CFLAR: variants seen among roughly 807,000 people sequenced by gnomAD.
The protein encoded by CFLAR is CASP8 and FADD-like apoptosis regulator.
CFLAR carries 14 observed loss-of-function variants against 51.1 expected under a neutral mutation model. That is an observed-to-expected ratio of 0.27 (90% CI 0.18 to 0.43). The LOEUF (loss-of-function observed/expected upper bound fraction) is 0.43, where lower values mean the gene tolerates loss of function less well. CFLAR is among the 20% of genes least tolerant of loss of function. The pLI is 1.00. For synonymous variants in CFLAR, 210 were observed against 211.6 expected, an observed-to-expected ratio of 0.99 and a Z score of 0.06; for missense variants, 390 against 566.5, an observed-to-expected ratio of 0.69 and a Z score of 3.16.
rs1481279606 is a variant in CFLAR, at chr2:201,170,337, G to A, written c.*6364G>A. On this transcript the variant is annotated 3_prime_UTR_variant, in exon 10 of 10. Coordinates refer to ENST00000309955, the MANE Select transcript of CFLAR (RefSeq NM_003879.7). ...TTAATTCTTTTAATTGGTTATTACTGAACGTGAAAAAGTAATGTTTGTATT... is the reference window on the plus strand; with the variant it reads ...TTAATTCTTTTAATTGGTTATTACTAAACGTGAAAAAGTAATGTTTGTATT... 3.3e-5 allele frequency: 5 copies of A among 152,150 alleles called. No homozygotes were observed. Among genetic ancestry groups the A allele is most frequent in the African/African-American group, 1.2e-4 (5 of 41,432 alleles). 9.4% of individuals were successfully genotyped at this position (152,150 alleles called of 1,614,324 possible).
At chr2:201,130,187 G>GGGGGGGGGGGGGGGGGGGC in intron 2 of CFLAR, 41 bp downstream of exon 2, 1 of 292,394 alleles carries the variant, frequency 3.4e-6, no homozygotes, top group Non-Finnish European at 7.1e-6. Flanking sequence ...GGGTGGGAGG[G>GGGGGGGGGGGGGGGGGGGC]AGTGAAGTGT....
chr2:201,141,274 T>G, intron 5 of CFLAR: 1 of 1,439,762 alleles, frequency 6.9e-7, no homozygotes, highest in African/African-American at 1.4e-5. Flanking sequence ...TGACCTCCAA[T>G]TATTTTTCCT....
At chr2:201,140,668 T>C (rs754170058) in intron 5 of CFLAR, 79 of 435,118 alleles carry the variant, frequency 1.8e-4, no homozygotes, top group Non-Finnish European at 3.0e-4. Flanking sequence ...TCACCTATAT[T>C]CCACTATCCA....
chr2:201,142,766 A>G (rs1939235541), intron 5 of CFLAR: 1 of 152,772 alleles, frequency 6.5e-6, no homozygotes, highest in African/African-American at 2.4e-5. Context: ...CGCCCGGGTA[A>G]TTTTATATTT....
At chr2:201,151,553 T>G (rs1250476719) in intron 8 of CFLAR, among the ~76,000 whole-genome samples, 5 of 140,120 alleles carry the variant, frequency 3.6e-5, no homozygotes, top group African/African-American at 1.2e-4. Context: ...GTGAGAAAGA[T>G]AAGTGTCTTC....
intron 1 of CFLAR, among the ~76,000 whole-genome samples, chr2:201,117,750 C>CTTTTT (rs1174973596): frequency 7.0e-5 from 8 of 113,886 alleles, no homozygotes; most frequent in East Asian, 2.7e-4. Flanking sequence ...GCTCCAAGAT[C>CTTTTT]TTTTTTTTTT....
chr2:201,146,902 A>ATG (rs1299803312), intron 6 of CFLAR, among the ~76,000 whole-genome samples: 3 of 152,274 alleles, frequency 2.0e-5, no homozygotes, highest in African/African-American at 7.2e-5. Flanking sequence ...GGTGTAGCTC[A>ATG]TGTCTGTCAT....
chr2:201,140,782 C>T (rs2348483), intron 5 of CFLAR: 579 of 160,576 alleles, frequency 3.6e-3, no homozygotes, highest in Middle Eastern at 9.1e-3. Flanking sequence ...TATATACATA[C>T]ATACATACAT....
intron 5 of CFLAR, 175 bp downstream of exon 5, chr2:201,140,614 A>T: frequency 1.8e-6 from 1 of 555,074 alleles, no homozygotes; most frequent in Non-Finnish European, 3.1e-6. Context: ...ATACATGTTC[A>T]TTGAGATATT....
chr2:201,138,968 A>G lies in CFLAR; in HGVS notation c.524-1389A>G, dbSNP rs1055718813. 2 of 579,820 alleles carry G rather than the reference A, an allele frequency of 3.4e-6. No homozygotes were observed. 35.9% of individuals were successfully genotyped at this position (579,820 alleles called of 1,614,324 possible). On this transcript the variant is annotated intron_variant, in intron 4 of 9. Coordinates refer to ENST00000309955, the MANE Select transcript of CFLAR (RefSeq NM_003879.7). This position sits in a 1 kb window ranked among gnomAD's most constrained non-coding sequence, Gnocchi z 4.0. The stretch of plus-strand genomic sequence containing the variant: ...GAGAATCAAGAAGTCGTTGTAGGTG[A>G]GTCCCTGGTCACTGGCGAAGAGCTG...
chr2:201,134,320 T>A (rs529415783), intron 3 of CFLAR, among the ~76,000 whole-genome samples: 45 of 140,018 alleles, frequency 3.2e-4, no homozygotes, highest in African/African-American at 1.1e-3. Context: ...AAAAAAAAAT[T>A]TTTTTTAACT....
At chr2:201,120,722 T>G (rs1156723476) in intron 1 of CFLAR, among the ~76,000 whole-genome samples, 1 of 152,236 alleles carries the variant, frequency 6.6e-6, no homozygotes, top group Non-Finnish European at 1.5e-5. Flanking sequence ...AGCTTCCTTA[T>G]CTACTTGTGA....
chr2:201,137,869 C>T (rs575207891), intron 4 of CFLAR: 14 of 829,290 alleles, frequency 1.7e-5, no homozygotes, highest in African/African-American at 5.0e-5. Context: ...AAGCACTCGC[C>T]GGGGGCCTCC....
rs1943957288 is a variant in CFLAR at position 201,170,655 on chromosome 2, GTC to G, written c.*6684_*6685del. ...GTTATTCTCCACCACCACTCAATCT[GTC>G]TATCATCTATCTCTCCATTCATTCT... On this transcript the variant is annotated 3_prime_UTR_variant, in exon 10 of 10. Coordinates refer to ENST00000309955, the MANE Select transcript of CFLAR (RefSeq NM_003879.7). The G allele has an allele frequency of 6.6e-6, 1 of 152,144 alleles. No individual in the cohort carries two copies. Among genetic ancestry groups the G allele is most frequent in the African/African-American group, 2.4e-5 (1 of 41,448 alleles). The allele number at this position is 152,144 out of a possible 1,614,324, so 9.4% of individuals were successfully genotyped here.
chr2:201,162,982 T>A, intron 9 of CFLAR: 1 of 736,286 alleles, frequency 1.4e-6, no homozygotes. Flanking sequence ...TTCTTATCCT[T>A]AATTGTTTTC....
chr2:201,157,147 C>T (rs1942310185), intron 8 of CFLAR, among the ~76,000 whole-genome samples: 1 of 152,100 alleles, frequency 6.6e-6, no homozygotes, highest in East Asian at 1.9e-4. Flanking sequence ...TCATTGGATC[C>T]TCACGGTCAC....
At position 201,170,843 on chromosome 2, in the gene CFLAR, G is replaced by A. The variant is rs368908703; in HGVS notation, c.*6870G>A. On this transcript the variant is annotated 3_prime_UTR_variant, in exon 10 of 10. Coordinates refer to ENST00000309955, the MANE Select transcript of CFLAR (RefSeq NM_003879.7). ...TGAAATATCATTAGCTGAGCTTTTAGAATTGACTGCATGTTTTGGTACCAT... is the reference window on the plus strand; with the variant it reads ...TGAAATATCATTAGCTGAGCTTTTAAAATTGACTGCATGTTTTGGTACCAT... 6.6e-6 allele frequency: 1 copy of A among 152,186 alleles called. No homozygotes were observed. The highest frequency in any genetic ancestry group is 1.5e-5 in the Non-Finnish European group (1 of 68,032). 9.4% of individuals were successfully genotyped at this position (152,186 alleles called of 1,614,324 possible).
Position 201,167,816 on chromosome 2 carries a change from A to G in CFLAR, c.*3843A>G, listed in dbSNP as rs1246568079. ...AGAAGCCTTGTTGGATGAGGGCACG[A>G]AGGAGCAGAATCACTGGAATCACTG... On this transcript the variant is annotated 3_prime_UTR_variant, in exon 10 of 10. Transcript: ENST00000309955. 6.6e-6 allele frequency: 1 copy of G among 152,278 alleles called. No individual in the cohort carries two copies. Among genetic ancestry groups the G allele is most frequent in the Non-Finnish European group, 1.5e-5 (1 of 68,064 alleles). 9.4% of individuals were successfully genotyped at this position (152,278 alleles called of 1,614,324 possible).
chr2:201,150,044 G>C, intron 8 of CFLAR: 1 of 374,012 alleles, frequency 2.7e-6, no homozygotes, highest in South Asian at 3.9e-5. Flanking sequence ...TTAAAAATTA[G>C]CTGGTGTGGG....
Sources: gnomAD v4.1 joint callset for allele counts (sites outside exome capture counted in the v4.1 genomes callset) on GRCh38, gnomAD v4.1.1 for gene constraint, Gnocchi (gnomAD v3.1) non-coding constraint, MANE v1.5 for transcripts, NCBI Gene and HGNC (gene_info 2026-07-23, HGNC 2026-07-21) for gene names.